UMOD: variants seen among roughly 807,000 people sequenced by gnomAD.
UMOD encodes uromodulin.
In UMOD, 64 loss-of-function variants were observed where a neutral mutation model predicts 66.0. The ratio of observed to expected loss-of-function variants is 0.97; its 90% confidence interval spans 0.79 to 1.19. The LOEUF is 1.19. Ranked by LOEUF, UMOD falls within the 50% of genes most tolerant of loss-of-function variation. The pLI is 0.00. For missense variants in UMOD, 764 were observed against 850.9 expected (o/e 0.90, Z 1.27); for synonymous variants, 398 against 352.7 (o/e 1.13, Z -1.44).
chr16:20,344,247 A>G (rs1965410997), intron 5 of UMOD, 75 bp from the exon 6 acceptor site: 2 of 1,429,816 alleles, frequency 1.4e-6, no homozygotes, highest in Non-Finnish European at 2.0e-6. Flanking sequence ...AGGACTTCAA[A>G]GCTAAATCTG....
chr16:20,347,720 A>T (rs1290385351), intron 4 of UMOD, among the ~76,000 whole-genome samples: 3 of 152,230 alleles, frequency 2.0e-5, no homozygotes, highest in Non-Finnish European at 4.4e-5. Context: ...TGGCACTTGG[A>T]TGTAACTAAA....
chr16:20,342,668 C>T (rs923468974), intron 6 of UMOD, among the ~76,000 whole-genome samples: 2 of 152,186 alleles, frequency 1.3e-5, no homozygotes, highest in Non-Finnish European at 2.9e-5. Context: ...GACTTTACAG[C>T]TTTGGGTAAG....
Position 20,346,282 on chromosome 16 carries a change from C to A in UMOD, c.1026G>T (p.Val342=), listed in dbSNP as rs1347775422. 6.2e-7 allele frequency: 1 copy of A among 1,614,268 alleles called. No homozygotes were observed. Among genetic ancestry groups the A allele is most frequent in the South Asian group, 1.1e-5 (1 of 91,086 alleles). The part of the protein sequence containing the change: ...RLECGANDMK[V]SLGKCQLKSL... ...TCTTCAGCTGGCACTTGCCCAGCGA[C>A]ACCTTCATGTCATTGGCCCCACATT... is the stretch of plus-strand genomic sequence containing the variant. Residue 342 remains valine (V), a synonymous_variant, in exon 5 of 11, where the codon GTG becomes GTT. Transcript: ENST00000396138.
At chr16:20,343,372 A>T (rs1200582242) in intron 6 of UMOD, among the ~76,000 whole-genome samples, 2 of 152,190 alleles carry the variant, frequency 1.3e-5, no homozygotes, top group Non-Finnish European at 2.9e-5. Flanking sequence ...CAAGGAGCGT[A>T]ATTTTTAAAA....
rs1176809445 is a variant in UMOD, at chr16:20,346,180, G to T, written c.1128C>A (p.Asp376Glu). 3 of 1,614,120 alleles carry T rather than the reference G, an allele frequency of 1.9e-6. No homozygotes were observed. The highest frequency in any genetic ancestry group is 1.7e-5 in the Admixed American group (1 of 60,006). ...GGGCTGGGGTCACTACAGACACCCA[G>T]TCCCGGTTGTCTCTGTCATTGAAGC... ...CSGFNDRDNRDWVSVVTPARD... is the reference protein window; with the variant it reads ...CSGFNDRDNREWVSVVTPARD... The change falls in exon 5 of 11, where the codon GAC becomes GAA. Residue 376 changes from aspartate (D) to glutamate (E), a missense_variant. Transcript: ENST00000396138.
chr16:20,344,725 C>T (rs994945511), intron 5 of UMOD, among the ~76,000 whole-genome samples: 5 of 152,102 alleles, frequency 3.3e-5, no homozygotes, highest in Non-Finnish European at 7.4e-5. Flanking sequence ...ACCATTCATG[C>T]GCATATGTCA....
intron 9 of UMOD, 90 bp downstream of exon 9, chr16:20,336,556 A>G: frequency 4.8e-6 from 6 of 1,245,902 alleles, no homozygotes; most frequent in Non-Finnish European, 7.1e-6. Context: ...AGAGCTCAGT[A>G]AGGTGCCAAG....
chr16:20,352,819 G>A, upstream of UMOD: 1 of 1,066,026 alleles, frequency 9.4e-7, no homozygotes, highest in East Asian at 3.2e-5. Flanking sequence ...TTTCTTGGGG[G>A]TGGAATATTT....
At chr16:20,349,300 T>A in intron 2 of UMOD, 88 bp from the exon 3 acceptor site, 2 of 1,460,784 alleles carry the variant, frequency 1.4e-6, no homozygotes, top group Non-Finnish European at 1.9e-6. Context: ...AGGGAACTCA[T>A]TATTTTTAAG....
intron 2 of UMOD, among the ~76,000 whole-genome samples, chr16:20,350,092 G>T (rs2141680383): frequency 6.6e-6 from 1 of 152,218 alleles, no homozygotes; most frequent in South Asian, 2.1e-4. Context: ...GTAGAACCAG[G>T]ATAAAAACGC....
upstream of UMOD, among the ~76,000 whole-genome samples, chr16:20,354,632 A>G (rs1966004264): frequency 2.0e-5 from 3 of 152,200 alleles, no homozygotes; most frequent in Admixed American, 1.3e-4. Context: ...CAGTGACCCC[A>G]GGTGGCTTCT....
At chr16:20,347,862 A>G (rs1567308551) in intron 4 of UMOD, among the ~76,000 whole-genome samples, 1 of 152,114 alleles carries the variant, frequency 6.6e-6, no homozygotes, top group Non-Finnish European at 1.5e-5. Flanking sequence ...TGATTGGTGG[A>G]CTGCTCACCG....
At position 20,349,276 on chromosome 16, in the gene UMOD, TTCCC is replaced by T. The variant is rs1277936279; in HGVS notation, c.89-68_89-65del. The T allele has an allele frequency of 1.2e-5, 18 of 1,543,182 alleles. No individual in the cohort carries two copies. The African/African-American group carries it at 2.1e-4, about 18-fold the overall frequency. ...TGGGCCCATGGCCACCCAGAGATCC[TTCCC>T]TCATTCTCCAGGGAACTCATTATTT... is the stretch of plus-strand genomic sequence containing the variant. On this transcript the variant is annotated intron_variant, in intron 2 of 10. Transcript: ENST00000396138.
intron 2 of UMOD, 21 bp downstream of exon 2, chr16:20,350,629 G>T: frequency 6.2e-7 from 1 of 1,613,548 alleles, no homozygotes; most frequent in South Asian, 1.1e-5. Flanking sequence ...CATATACAAC[G>T]CACACACACT....
Position 20,349,129 on chromosome 16 carries a change from C to T in UMOD, c.172G>A (p.Gly58Ser), listed in dbSNP as rs748228253. 9.9e-6 allele frequency: 16 copies of T among 1,613,954 alleles called. No homozygotes were observed. Among genetic ancestry groups the T allele is most frequent in the Admixed American group, 3.3e-5 (2 of 60,002 alleles). ...TTCTCQEGFTGDGLTCVDLDE... is the reference protein window; with the variant it reads ...TTCTCQEGFTSDGLTCVDLDE... ...AGGTCCACGCAGGTCAGGCCATCGC[C>T]GGTGAAGCCCTCCTGACAGGTGCAC... The change falls in exon 3 of 11, where the codon GGC becomes AGC. Residue 58 changes from glycine to serine, a missense_variant. By Grantham distance (56) the Gly-to-Ser change is moderately conservative. Coordinates refer to ENST00000396138, the MANE Select transcript of UMOD (RefSeq NM_003361.4).
chr16:20,340,351 GAC>G (rs1965124085), intron 7 of UMOD, among the ~76,000 whole-genome samples: 1 of 151,436 alleles, frequency 6.6e-6, no homozygotes, highest in Admixed American at 6.6e-5. Context: ...CGGCCTGGGT[GAC>G]AGAATGAGAC....
In UMOD at chr16:20,344,201, G is replaced by T; in HGVS notation, c.1183-29C>A. ...TTGCAGGGAATGGGGGTGGAGGGGG[G>T]GTGGGGATGAGAGAAAGGGGCATGA... On this transcript the variant is annotated intron_variant, in intron 5 of 10. Transcript: ENST00000396138. 8.1e-6 allele frequency: 12 copies of T among 1,473,028 alleles called. 1 individual carries two copies. The highest frequency in any genetic ancestry group is 2.3e-5 in the South Asian group (2 of 88,298). 91.2% of individuals were successfully genotyped at this position (1,473,028 alleles called of 1,614,324 possible). A position where few individuals can be genotyped will look rare whatever the true frequency, so the allele number is the denominator to read the frequency against.
upstream of UMOD, among the ~76,000 whole-genome samples, chr16:20,354,592 T>C (rs1048426564): frequency 6.6e-6 from 1 of 151,496 alleles, no homozygotes; most frequent in African/African-American, 2.4e-5. Context: ...TGTCTAAACC[T>C]TATTATGGGT....
At chr16:20,342,710 C>T (rs1414008868) in intron 6 of UMOD, among the ~76,000 whole-genome samples, 2 of 152,224 alleles carry the variant, frequency 1.3e-5, no homozygotes, top group African/African-American at 4.8e-5. Context: ...TCAATTTCCA[C>T]ATCAGTATAA....
Sources: gnomAD v4.1 joint callset for allele counts (sites outside exome capture counted in the v4.1 genomes callset) on GRCh38, gnomAD v4.1.1 for gene constraint, MANE v1.5 for transcripts, NCBI Gene and HGNC (gene_info 2026-07-23, HGNC 2026-07-21) for gene names.